SLC16A4: variants seen among roughly 807,000 people sequenced by gnomAD.
The protein encoded by SLC16A4 is probable monocarboxylate transporter 5.
SLC16A4 carries 39 observed loss-of-function variants against 47.9 expected under a neutral mutation model. The observed-to-expected ratio is 0.81, with a 90% CI of 0.63 to 1.06. The LOEUF (loss-of-function observed/expected upper bound fraction) is 1.06, where lower values mean the gene tolerates loss of function less well. SLC16A4 is among the 50% of genes least tolerant of loss of function. The pLI, the probability that SLC16A4 is intolerant of heterozygous loss-of-function variation, is 0.00. For missense variants in SLC16A4, 524 were observed against 573.8 expected (o/e 0.91, Z 0.89); for synonymous variants, 189 against 199.9 (o/e 0.95, Z 0.46).
At position 110,381,157 on chromosome 1, in the gene SLC16A4, G is replaced by T. The variant is rs117642787; in HGVS notation, c.365-14C>A. On this transcript the variant is annotated splice_polypyrimidine_tract_variant and intron_variant, in intron 4 of 8. Transcript: ENST00000369779. Reference sequence around the variant, plus strand: ...CAGAACCCAAACCTAAAAGAAAAACGTAATAGTTTAGAATCACTCTTACAT... The same window carrying T: ...CAGAACCCAAACCTAAAAGAAAAACTTAATAGTTTAGAATCACTCTTACAT... The T allele has an allele frequency of 2.5e-6, 4 of 1,611,950 alleles. No homozygotes were observed. Among genetic ancestry groups the T allele is most frequent in the East Asian group, 2.2e-5 (1 of 44,854 alleles).
rs564188393 is a variant in SLC16A4 at position 110,378,568 on chromosome 1, C to T, written c.1030+285G>A. Among the ~76,000 whole-genome samples, 20 of 152,212 alleles carry T rather than the reference C, an allele frequency of 1.3e-4. 1 individual carries two copies. The highest frequency in any genetic ancestry group is 3.6e-4 in the African/African-American group (15 of 41,526). Reference sequence around the variant, plus strand: ...TTGAGCATCAGCTTTTTGAAATTTCCGCATTTATCCAATAAATAATGTCTA... The same window carrying T: ...TTGAGCATCAGCTTTTTGAAATTTCTGCATTTATCCAATAAATAATGTCTA... On this transcript the variant is annotated intron_variant, in intron 6 of 8. Transcript: ENST00000369779.
At chr1:110,383,989 T>C (rs1662596571) in intron 2 of SLC16A4, among the ~76,000 whole-genome samples, 1 of 152,012 alleles carries the variant, frequency 6.6e-6, no homozygotes. Context: ...CTGTAATAAT[T>C]TTCTCAGTTA....
chr1:110,375,372 C>T (rs921761930), intron 8 of SLC16A4, 86 bp downstream of exon 8: 4 of 783,966 alleles, frequency 5.1e-6, no homozygotes, highest in Middle Eastern at 2.3e-4. Flanking sequence ...AACCTGATAC[C>T]ATCATTACAT....
At position 110,384,277 on chromosome 1, in the gene SLC16A4, A is replaced by T. The variant is rs1413886; in HGVS notation, c.88-1311T>A. On this transcript the variant is annotated intron_variant, in intron 2 of 8. Transcript: ENST00000369779. ...TGAGCTGAGTACCTTCCTTCACTAG[A>T]TATATAAATAGGTTGACCATAAAAT... 0.011 allele frequency among the ~76,000 whole-genome samples: 1,693 copies of T among 152,234 alleles called. 129 individuals carry two copies. The East Asian group carries it at 0.22, about 20-fold the overall frequency.
chr1:110,377,908 C>G (rs1662101122), intron 6 of SLC16A4, among the ~76,000 whole-genome samples: 1 of 152,182 alleles, frequency 6.6e-6, no homozygotes, highest in Non-Finnish European at 1.5e-5. Flanking sequence ...CGGCTCACTG[C>G]AAGCTCCGCC....
Position 110,363,613 on chromosome 1 carries a change from G to C in SLC16A4, c.*153C>G. On this transcript the variant is annotated 3_prime_UTR_variant, in exon 9 of 9. Transcript: ENST00000369779. ...TGCACTCCAGCCTGGGCGAAAGAGC[G>C]AGACTCCGTCTCAAAAAAAAAAAAA... is the stretch of plus-strand genomic sequence containing the variant. The C allele has an allele frequency of 2.9e-6, 2 of 686,638 alleles. No homozygotes were observed. Among genetic ancestry groups the C allele is most frequent in the South Asian group, 4.7e-5 (2 of 42,202 alleles). 42.5% of individuals were successfully genotyped at this position (686,638 alleles called of 1,614,324 possible). A position where few individuals can be genotyped will look rare whatever the true frequency, so the allele number is the denominator to read the frequency against.
At chr1:110,376,873 AC>A (rs1662033978) in intron 7 of SLC16A4, 76 bp downstream of exon 7, 1 of 1,166,598 alleles carries the variant, frequency 8.6e-7, no homozygotes, top group South Asian at 1.5e-5. Flanking sequence ...AATACAAAAT[AC>A]GTATTTTGGG....
chr1:110,389,465 G>C, intron 1 of SLC16A4, 110 bp from the exon 2 acceptor site: 1 of 725,982 alleles, frequency 1.4e-6, no homozygotes. Flanking sequence ...ATGCAAATTA[G>C]TTCAGCCACT....
intron 3 of SLC16A4, 144 bp downstream of exon 3, chr1:110,382,690 A>C (rs537864436): frequency 6.3e-6 from 5 of 790,214 alleles, no homozygotes; most frequent in Non-Finnish European, 3.7e-6. Context: ...TAAATATTGC[A>C]ATTCCTTACT....
intron 2 of SLC16A4, among the ~76,000 whole-genome samples, chr1:110,386,426 G>T (rs7515163): frequency 8.3e-4 from 126 of 152,254 alleles, no homozygotes; most frequent in African/African-American, 2.9e-3. Flanking sequence ...GTGGGTTTTA[G>T]TTCTGTTACC....
chr1:110,375,512 C>T lies in SLC16A4; in HGVS notation c.1282G>A (p.Gly428Arg). Residue 428 changes from glycine (G) to arginine (R), a missense_variant, in exon 8 of 9, where the codon GGA becomes AGA. Physicochemically the swap from Gly to Arg is moderately radical, Grantham distance 125 (BLOSUM62 -2). Transcript: ENST00000369779. ...CRNSTVNRFL[G>R]LASFFAGMAV... Reference sequence around the variant, plus strand: ...ATCCCAGCAAAGAAACTGGCAAGTCCCAAAAACCTGTTTACTGTAGAATTC... The same window carrying T: ...ATCCCAGCAAAGAAACTGGCAAGTCTCAAAAACCTGTTTACTGTAGAATTC... The T allele has an allele frequency of 2.5e-6, 4 of 1,613,022 alleles. No homozygotes were observed. Among genetic ancestry groups the T allele is most frequent in the South Asian group, 1.1e-5 (1 of 91,040 alleles).
intron 8 of SLC16A4, 45 bp downstream of exon 8, chr1:110,375,413 T>C: frequency 9.2e-7 from 1 of 1,087,438 alleles, no homozygotes; most frequent in Non-Finnish European, 1.4e-6. Flanking sequence ...AGTTTTTCTC[T>C]TTTATTGCTA....
At chr1:110,388,209 G>A (rs544343152) in intron 2 of SLC16A4, among the ~76,000 whole-genome samples, 1 of 152,214 alleles carries the variant, frequency 6.6e-6, no homozygotes, top group African/African-American at 2.4e-5. Context: ...GGGCATAGCT[G>A]GGGTTCACCA....
intron 8 of SLC16A4, chr1:110,371,919 T>G (rs1661707888): frequency 6.6e-6 from 1 of 152,156 alleles, no homozygotes; most frequent in Admixed American, 6.5e-5. Context: ...CCTTTCAATC[T>G]CTCAGTTTCA....
intron 8 of SLC16A4, chr1:110,375,147 T>TA (rs1661917828): frequency 9.8e-6 from 2 of 204,264 alleles, no homozygotes; most frequent in Admixed American, 1.1e-4. Flanking sequence ...TTTTTTTTTT[T>TA]AAAGCATCAT....
intron 8 of SLC16A4, chr1:110,371,899 T>G (rs1369054731): frequency 6.6e-6 from 1 of 152,216 alleles, no homozygotes. Context: ...CGGTAAGTTT[T>G]AACTTTCATC....
intron 6 of SLC16A4, 46 bp from the exon 7 acceptor site, chr1:110,377,207 A>G: frequency 2.0e-6 from 3 of 1,464,014 alleles, no homozygotes; most frequent in Non-Finnish European, 2.9e-6. Context: ...CCCTTTGAAA[A>G]ATGTGAATGC....
intron 2 of SLC16A4, among the ~76,000 whole-genome samples, chr1:110,385,143 G>C (rs994355325): frequency 6.6e-6 from 1 of 152,124 alleles, no homozygotes; most frequent in South Asian, 2.1e-4. Context: ...TTACTCTCAA[G>C]GTTTTAATTA....
intron 5 of SLC16A4, among the ~76,000 whole-genome samples, chr1:110,380,714 C>T (rs1176387325): frequency 6.6e-6 from 1 of 152,088 alleles, no homozygotes; most frequent in African/African-American, 2.4e-5. Context: ...CACGGAATGC[C>T]CTCCATCTCC....
Sources: gnomAD v4.1 joint callset for allele counts (sites outside exome capture counted in the v4.1 genomes callset) on GRCh38, gnomAD v4.1.1 for gene constraint, MANE v1.5 for transcripts, NCBI Gene and HGNC (gene_info 2026-07-23, HGNC 2026-07-21) for gene names.